MYBPC1: variants seen among roughly 807,000 people sequenced by gnomAD.
MYBPC1 encodes myosin-binding protein C, slow-type.
A neutral mutation model predicts 147.1 loss-of-function variants in MYBPC1; 52 were observed. The ratio of observed to expected loss-of-function variants is 0.35; its 90% CI spans 0.28 to 0.45. The LOEUF (loss-of-function observed/expected upper bound fraction) is 0.45, where lower values mean the gene tolerates loss of function less well. Ranked by LOEUF, MYBPC1 falls within the 20% of genes least tolerant of loss-of-function variation. The pLI is 1.00. For synonymous variants in MYBPC1, 477 were observed against 475.9 expected, an observed-to-expected ratio of 1.00 and a Z score of -0.03; for missense variants, 1,228 against 1,440.3, an observed-to-expected ratio of 0.85 and a Z score of 2.39.
intron 10 of MYBPC1, 120 bp from the exon 11 acceptor site, chr12:101,642,299 A>G (rs1170102663): frequency 7.7e-6 from 8 of 1,039,776 alleles, no homozygotes; most frequent in South Asian, 1.4e-5. Flanking sequence ...GGCTTCAAGT[A>G]CTCAGGCTTT....
At chr12:101,644,400 A>G (rs1260716401) in intron 11 of MYBPC1, among the ~76,000 whole-genome samples, 1 of 152,184 alleles carries the variant, frequency 6.6e-6, no homozygotes, top group Non-Finnish European at 1.5e-5. Context: ...CTGAAGAATT[A>G]GGTCATTTTT....
intron 25 of MYBPC1, among the ~76,000 whole-genome samples, chr12:101,674,997 G>A (rs910228804): frequency 3.3e-5 from 5 of 151,236 alleles, no homozygotes; most frequent in Non-Finnish European, 5.9e-5. Context: ...GCAACTTCCT[G>A]TAACAGCCTC....
intron 1 of MYBPC1, among the ~76,000 whole-genome samples, chr12:101,612,531 G>T (rs1035028669): frequency 6.6e-6 from 1 of 152,178 alleles, no homozygotes; most frequent in Non-Finnish European, 1.5e-5. Flanking sequence ...TGCGAACCTG[G>T]GGAGTGTAGA....
At chr12:101,646,498 G>A (rs906134271) in intron 12 of MYBPC1, among the ~76,000 whole-genome samples, 2 of 152,126 alleles carry the variant, frequency 1.3e-5, no homozygotes, top group African/African-American at 4.8e-5. Flanking sequence ...AATTAGCTGG[G>A]CCTGATGCCC....
chr12:101,674,143 TC>T (rs1225984667), intron 25 of MYBPC1, among the ~76,000 whole-genome samples: 1 of 152,206 alleles, frequency 6.6e-6, no homozygotes, highest in East Asian at 1.9e-4. Flanking sequence ...GCATATATGT[TC>T]AAGAAAATTA....
intron 1 of MYBPC1, among the ~76,000 whole-genome samples, chr12:101,607,219 C>G (rs995956505): frequency 6.6e-6 from 1 of 152,080 alleles, no homozygotes; most frequent in African/African-American, 2.4e-5. Flanking sequence ...CCATTGTGCT[C>G]GTGTCTGGGC....
chr12:101,623,869 T>A (rs946335180), intron 3 of MYBPC1, among the ~76,000 whole-genome samples: 2 of 152,242 alleles, frequency 1.3e-5, no homozygotes, highest in African/African-American at 4.8e-5. Flanking sequence ...TTCACAGTCT[T>A]CTGAATAACG....
In MYBPC1 at chr12:101,648,168, A is replaced by C. The variant is rs762258501; in HGVS notation, c.1196+18A>C. On this transcript the variant is annotated intron_variant, in intron 14 of 31. Transcript: ENST00000361466. ...GTAAAATGGTAAATAGCCTTAATGA[A>C]GTCTGTCCATGTTTAATAGACAAAA... is the stretch of plus-strand genomic sequence containing the variant. The C allele has an allele frequency of 1.1e-5, 18 of 1,571,248 alleles. No homozygotes were observed. In the Admixed American group the frequency reaches 2.0e-4, roughly 18 times the overall value.
intron 18 of MYBPC1, among the ~76,000 whole-genome samples, chr12:101,659,283 G>A (rs1896117759): frequency 6.6e-6 from 1 of 152,160 alleles, no homozygotes; most frequent in African/African-American, 2.4e-5. Flanking sequence ...TTCATACACA[G>A]GGATTCCTCT....
In MYBPC1 at chr12:101,667,722, C is replaced by A; in HGVS notation, c.2357-10C>A. On this transcript the variant is annotated splice_polypyrimidine_tract_variant and intron_variant, in intron 22 of 31. Coordinates refer to ENST00000361466, the MANE Select transcript of MYBPC1 (RefSeq NM_002465.4). ...TCCTCCTTCTTTTCCTTTTCTTTTA[C>A]GGACTTCAGCTGAGGACTGGATAGT... 1 of 1,613,962 alleles carries A rather than the reference C, an allele frequency of 6.2e-7. No homozygotes were observed. The highest frequency in any genetic ancestry group is 8.5e-7 in the Non-Finnish European group (1 of 1,179,954).
chr12:101,605,306 C>T (rs760561648), intron 1 of MYBPC1, among the ~76,000 whole-genome samples: 11 of 152,106 alleles, frequency 7.2e-5, no homozygotes, highest in Admixed American at 4.6e-4. Context: ...TTCATTTTAT[C>T]AAAGCTGCAG....
intron 10 of MYBPC1, among the ~76,000 whole-genome samples, chr12:101,638,420 C>G (rs1891413907): frequency 6.6e-6 from 1 of 152,044 alleles, no homozygotes; most frequent in African/African-American, 2.4e-5. Flanking sequence ...AATATTTGAC[C>G]CCTCTGAGAC....
At chr12:101,692,076 G>A in the MYBPC1 span, among the ~76,000 whole-genome samples, 1 of 152,116 alleles carries the variant, frequency 6.6e-6, no homozygotes, top group African/African-American at 2.4e-5. Context: ...CCCCAACAGG[G>A]AACAAATGAG....
chr12:101,666,924 C>T (rs1030252281), intron 22 of MYBPC1: 2 of 329,630 alleles, frequency 6.1e-6, no homozygotes, highest in African/African-American at 2.1e-5. Flanking sequence ...CACACACACA[C>T]ACACATACAC....
Position 101,614,542 on chromosome 12 carries a change from A to G in MYBPC1, c.61+11A>G. 1.2e-6 allele frequency: 2 copies of G among 1,612,992 alleles called. No homozygotes were observed. Among genetic ancestry groups the G allele is most frequent in the South Asian group, 1.1e-5 (1 of 90,940 alleles). On this transcript the variant is annotated intron_variant, in intron 2 of 31. Transcript: ENST00000361466. The stretch of plus-strand genomic sequence containing the variant: ...CCCCACCCCCGGAAGGTGAGTAAAA[A>G]CACTCACTCACACACGTTTGGGCTG...
intron 1 of MYBPC1, among the ~76,000 whole-genome samples, chr12:101,597,749 T>C (rs1877923288): frequency 6.6e-6 from 1 of 152,236 alleles, no homozygotes; most frequent in African/African-American, 2.4e-5. Context: ...TTGTATATTA[T>C]GTATTCTTTG....
At chr12:101,674,355 G>T (rs940675349) in intron 25 of MYBPC1, among the ~76,000 whole-genome samples, 2 of 152,042 alleles carry the variant, frequency 1.3e-5, no homozygotes, top group Non-Finnish European at 2.9e-5. Context: ...GGAGAATGAA[G>T]AATTTTTTTT....
At chr12:101,634,201 C>A (rs1328562838) in intron 8 of MYBPC1, among the ~76,000 whole-genome samples, 1 of 152,174 alleles carries the variant, frequency 6.6e-6, no homozygotes, top group African/African-American at 2.4e-5. Flanking sequence ...CGCCCGGCCC[C>A]TGGAGGGCTA....
intron 28 of MYBPC1, 56 bp downstream of exon 28, chr12:101,678,294 A>T: frequency 6.2e-7 from 1 of 1,600,346 alleles, no homozygotes. Flanking sequence ...TTGTTGTGTT[A>T]TAATGTAAGT....
Sources: gnomAD v4.1 joint callset for allele counts (sites outside exome capture counted in the v4.1 genomes callset) on GRCh38, gnomAD v4.1.1 for gene constraint, MANE v1.5 for transcripts, NCBI Gene and HGNC (gene_info 2026-07-23, HGNC 2026-07-21) for gene names.